The following PDE4B variants were observed in gnomAD, a reference collection of about 807,000 sequenced individuals.
PDE4B encodes the protein 3',5'-cyclic-AMP phosphodiesterase 4B.
PDE4B carries 20 observed loss-of-function variants against 82.2 expected under a neutral mutation model. The ratio of observed to expected loss-of-function variants is 0.24; its 90% CI spans 0.17 to 0.35. The LOEUF (loss-of-function observed/expected upper bound fraction) is 0.35. Among genes scored for constraint, PDE4B ranks in the 10% least tolerant of loss-of-function variants. The pLI is 1.00. For synonymous variants in PDE4B, 320 were observed against 318.9 expected (o/e 1.00, Z -0.04); for missense variants, 655 against 907.2 (o/e 0.72, Z 3.57).
chr1:65,840,330 G>T (rs1326842275), intron 1 of PDE4B, among the ~76,000 whole-genome samples: 2 of 151,898 alleles, frequency 1.3e-5, no homozygotes, highest in Non-Finnish European at 2.9e-5. Flanking sequence ...TATAATAAAA[G>T]TTTTAAAAGA....
chr1:66,118,650 G>T (rs560843013), intron 3 of PDE4B, among the ~76,000 whole-genome samples: 1 of 152,036 alleles, frequency 6.6e-6, no homozygotes, highest in East Asian at 1.9e-4. Context: ...CACCAACATG[G>T]TACATGTATA....
chr1:65,912,287 A>G (rs1008000293), intron 1 of PDE4B, among the ~76,000 whole-genome samples: 3 of 152,254 alleles, frequency 2.0e-5, no homozygotes, highest in African/African-American at 4.8e-5. Flanking sequence ...GGTTTGTTAC[A>G]TGGATATATT....
At chr1:66,156,637 A>G (rs1474381128) in intron 3 of PDE4B, among the ~76,000 whole-genome samples, 1 of 152,082 alleles carries the variant, frequency 6.6e-6, no homozygotes, top group African/African-American at 2.4e-5. Context: ...CTTTTACAGC[A>G]AAGCCCAAGA....
chr1:66,327,134 C>T (rs1326988886), intron 7 of PDE4B, among the ~76,000 whole-genome samples: 1 of 152,146 alleles, frequency 6.6e-6, no homozygotes, highest in Admixed American at 6.5e-5. Flanking sequence ...TCCTGTCACT[C>T]TTCTCTGGAT....
chr1:66,145,711 T>C (rs1312236659), intron 3 of PDE4B, among the ~76,000 whole-genome samples: 1 of 152,156 alleles, frequency 6.6e-6, no homozygotes, highest in Non-Finnish European at 1.5e-5. Context: ...CGCAAAAGCT[T>C]TTATGCCTTA....
At chr1:66,074,187 G>A (rs1218089834) in intron 3 of PDE4B, among the ~76,000 whole-genome samples, 1 of 152,132 alleles carries the variant, frequency 6.6e-6, no homozygotes, top group African/African-American at 2.4e-5. Flanking sequence ...AAGACCTTTG[G>A]TTTAATGAAT....
At chr1:65,934,514 G>A (rs35021135) in intron 3 of PDE4B, among the ~76,000 whole-genome samples, 26,108 of 152,066 alleles carry the variant, frequency 0.17, 2,816 homozygotes, top group Non-Finnish European at 0.24. Context: ...GAACAAAATG[G>A]CAATAGTAAA....
At chr1:66,329,674 C>T (rs1454161039) in intron 7 of PDE4B, among the ~76,000 whole-genome samples, 1 of 152,198 alleles carries the variant, frequency 6.6e-6, no homozygotes, top group East Asian at 1.9e-4. Flanking sequence ...GAACTGGCTA[C>T]CATCCTAGGC....
intron 1 of PDE4B, among the ~76,000 whole-genome samples, chr1:65,853,167 G>T (rs1208698557): frequency 1.3e-5 from 2 of 151,588 alleles, no homozygotes; most frequent in Non-Finnish European, 2.9e-5. Context: ...TCCTTGTTTC[G>T]AAGTCTACCT....
intron 1 of PDE4B, among the ~76,000 whole-genome samples, chr1:65,881,635 G>C (rs544676121): frequency 6.6e-6 from 1 of 152,160 alleles, no homozygotes; most frequent in African/African-American, 2.4e-5. Flanking sequence ...TTGCCAATAC[G>C]ACCCACAATG....
At chr1:65,899,268 T>C (rs1273459573) in intron 1 of PDE4B, among the ~76,000 whole-genome samples, 1 of 152,098 alleles carries the variant, frequency 6.6e-6, no homozygotes, top group Non-Finnish European at 1.5e-5. Context: ...CACAATGTGA[T>C]ACCACTTCAC....
At chr1:65,945,150 G>A (rs1648644481) in intron 3 of PDE4B, among the ~76,000 whole-genome samples, 1 of 151,946 alleles carries the variant, frequency 6.6e-6, no homozygotes, top group Non-Finnish European at 1.5e-5. Flanking sequence ...GGTTTAAAGT[G>A]TATTCCTCAT....
chr1:66,058,711 G>A (rs962399966), intron 3 of PDE4B, among the ~76,000 whole-genome samples: 1 of 152,228 alleles, frequency 6.6e-6, no homozygotes, highest in African/African-American at 2.4e-5. Flanking sequence ...TGGAGAGGCT[G>A]GGATGCGGGA....
At chr1:66,070,401 G>A (rs1656093943) in intron 3 of PDE4B, among the ~76,000 whole-genome samples, 1 of 152,030 alleles carries the variant, frequency 6.6e-6, no homozygotes, top group African/African-American at 2.4e-5. Context: ...GTCAGTATAT[G>A]AGGGAATGGT....
chr1:65,890,276 A>C (rs2100382619), intron 1 of PDE4B, among the ~76,000 whole-genome samples: 1 of 152,156 alleles, frequency 6.6e-6, no homozygotes, highest in East Asian at 1.9e-4. Flanking sequence ...CATTTCTATT[A>C]CATACCATTC....
At chr1:66,316,986 A>G (rs2101881578) in intron 7 of PDE4B, among the ~76,000 whole-genome samples, 1 of 152,362 alleles carries the variant, frequency 6.6e-6, no homozygotes, top group South Asian at 2.1e-4. Flanking sequence ...TAGCTGTGAC[A>G]TACACAGTGT....
intron 3 of PDE4B, among the ~76,000 whole-genome samples, chr1:66,113,109 C>T (rs761045734): frequency 2.0e-5 from 3 of 152,106 alleles, no homozygotes; most frequent in Non-Finnish European, 2.9e-5. Flanking sequence ...ATCAAGTGTG[C>T]GAATTGCATC....
chr1:66,055,257 T>C (rs1045941081), intron 3 of PDE4B, among the ~76,000 whole-genome samples: 1 of 152,210 alleles, frequency 6.6e-6, no homozygotes, highest in Non-Finnish European at 1.5e-5. Context: ...GTATTGGAGG[T>C]TGGCTTTGCA....
intron 3 of PDE4B, among the ~76,000 whole-genome samples, chr1:65,999,431 A>C (rs1411878731): frequency 6.6e-6 from 1 of 152,134 alleles, no homozygotes; most frequent in Non-Finnish European, 1.5e-5. Context: ...TTGTTCAGCA[A>C]ACTAAGCCTG....
Sources: gnomAD v4.1 joint callset for allele counts (sites outside exome capture counted in the v4.1 genomes callset) on GRCh38, gnomAD v4.1.1 for gene constraint, MANE v1.5 for transcripts, NCBI Gene and HGNC (gene_info 2026-07-23, HGNC 2026-07-21) for gene names.